Variants in CDH13 observed in about 807,000 individuals in gnomAD.
CDH13 encodes cadherin 13, also known as cadherin-13.
CDH13 carries 24 observed loss-of-function variants against 63.8 expected under a neutral mutation model. The ratio of observed to expected loss-of-function variants is 0.38; its 90% CI spans 0.27 to 0.53. CDH13 has a LOEUF of 0.53. Ranked by LOEUF, CDH13 falls within the 20% of genes least tolerant of loss-of-function variation. CDH13 has a pLI of 0.85. For missense variants in CDH13, 1,049 were observed against 903.1 expected (o/e 1.16, Z -2.07); for synonymous variants, 503 against 355.3 (o/e 1.42, Z -4.67).
At chr16:82,980,703 C>G (rs1720579974) in intron 2 of CDH13, among the ~76,000 whole-genome samples, 1 of 152,140 alleles carries the variant, frequency 6.6e-6, no homozygotes, top group Non-Finnish European at 1.5e-5. Flanking sequence ...CTACCATATA[C>G]AGAGTCAGAG....
chr16:82,931,530 T>A (rs1737625529), intron 2 of CDH13, among the ~76,000 whole-genome samples: 2 of 148,200 alleles, frequency 1.3e-5, no homozygotes, highest in African/African-American at 2.5e-5. Flanking sequence ...TTTTTTTTGA[T>A]GTTTGTTAGG....
chr16:83,199,276 A>G (rs929216800), intron 4 of CDH13, among the ~76,000 whole-genome samples: 2 of 152,236 alleles, frequency 1.3e-5, no homozygotes, highest in South Asian at 4.1e-4. Context: ...TAAAAGGTCT[A>G]GTCATCCTTT....
chr16:83,351,694 T>G (rs1424484707), intron 6 of CDH13, among the ~76,000 whole-genome samples: 2 of 152,226 alleles, frequency 1.3e-5, no homozygotes, highest in African/African-American at 4.8e-5. Context: ...AGCTCATCTC[T>G]TCCCATGTTT....
intron 1 of CDH13, among the ~76,000 whole-genome samples, chr16:82,733,372 T>TA (rs140679613): frequency 0.35 from 52,699 of 151,736 alleles, 9,676 homozygotes; most frequent in South Asian, 0.44. Context: ...TTTTGCTATG[T>TA]AAAAAAAAAT....
rs77414776 is a variant in CDH13 at position 82,689,904 on chromosome 16, G to A, written c.45+62767G>A. Among the ~76,000 whole-genome samples the A allele has an allele frequency of 9.9e-3, 1,429 of 143,902 alleles. 19 individuals carry two copies. Among genetic ancestry groups the A allele is most frequent in the African/African-American group, 0.035 (1,341 of 38,830 alleles). The allele number at this position is 143,902 out of a possible 152,430, so 94.4% of individuals were successfully genotyped here. Reference sequence around the variant, plus strand: ...TCACGCCTATAATCCCAGCACTTTTGGAGGCCAAGGTGGGCTGATCACTTG... The same window carrying A: ...TCACGCCTATAATCCCAGCACTTTTAGAGGCCAAGGTGGGCTGATCACTTG... On this transcript the variant is annotated intron_variant, in intron 1 of 13. Transcript: ENST00000567109.
chr16:82,830,801 C>T (rs949023914), intron 1 of CDH13, among the ~76,000 whole-genome samples: 5 of 152,140 alleles, frequency 3.3e-5, no homozygotes, highest in Admixed American at 6.5e-5. Flanking sequence ...TTACCATGAC[C>T]GTGAAAATAA....
At chr16:82,956,208 C>G (rs567030667) in intron 2 of CDH13, among the ~76,000 whole-genome samples, 5 of 152,126 alleles carry the variant, frequency 3.3e-5, no homozygotes, top group Non-Finnish European at 5.9e-5. Context: ...GTAGGCTTCT[C>G]TCACCTACCC....
intron 3 of CDH13, among the ~76,000 whole-genome samples, chr16:83,097,989 A>G (rs1057022887): frequency 1.3e-5 from 2 of 152,226 alleles, no homozygotes; most frequent in East Asian, 3.8e-4. Flanking sequence ...GTCAAGAAGC[A>G]TATCTGGATG....
At chr16:82,725,572 C>T (rs777327960) in intron 1 of CDH13, among the ~76,000 whole-genome samples, 1 of 152,200 alleles carries the variant, frequency 6.6e-6, no homozygotes, top group African/African-American at 2.4e-5. Context: ...AAGCCTCATT[C>T]CTGGCACATG....
intron 2 of CDH13, among the ~76,000 whole-genome samples, chr16:82,952,009 G>A (rs117980106): frequency 5.3e-5 from 8 of 152,278 alleles, no homozygotes; most frequent in South Asian, 4.1e-4. Flanking sequence ...TTGGCTATAC[G>A]CTTCACTGGA....
At chr16:82,790,006 C>T (rs2036216441) in intron 1 of CDH13, among the ~76,000 whole-genome samples, 2 of 152,148 alleles carry the variant, frequency 1.3e-5, no homozygotes, top group Non-Finnish European at 2.9e-5. Flanking sequence ...TTAGCTTCTG[C>T]TCACTATGAC....
At chr16:83,113,717 G>C (rs182429960) in intron 3 of CDH13, among the ~76,000 whole-genome samples, 1 of 152,130 alleles carries the variant, frequency 6.6e-6, no homozygotes. Context: ...AAGGATGGGT[G>C]GGGGGTTAAC....
At chr16:82,634,387 C>A (rs549551426) in intron 1 of CDH13, among the ~76,000 whole-genome samples, 1 of 152,334 alleles carries the variant, frequency 6.6e-6, no homozygotes, top group African/African-American at 2.4e-5. Flanking sequence ...TCCCTGTGGA[C>A]TGATTGCTGT....
intron 10 of CDH13, among the ~76,000 whole-genome samples, chr16:83,696,412 C>T (rs1435629696): frequency 6.6e-6 from 1 of 152,002 alleles, no homozygotes; most frequent in African/African-American, 2.4e-5. Flanking sequence ...CTTTTGAAAT[C>T]TGTAAAGGTG....
At chr16:82,767,586 C>T (rs572632658) in intron 1 of CDH13, among the ~76,000 whole-genome samples, 1 of 152,194 alleles carries the variant, frequency 6.6e-6, no homozygotes, top group Non-Finnish European at 1.5e-5. Context: ...GTCCCTGCCC[C>T]CTTTAACTTC....
At chr16:82,862,078 GAA>G (rs1460723391) in intron 2 of CDH13, among the ~76,000 whole-genome samples, 1 of 152,210 alleles carries the variant, frequency 6.6e-6, no homozygotes, top group African/African-American at 2.4e-5. Context: ...AGGAATCTGT[GAA>G]AAGTTTGTGG....
At chr16:83,057,231 C>A (rs184139170) in intron 3 of CDH13, among the ~76,000 whole-genome samples, 100 of 152,290 alleles carry the variant, frequency 6.6e-4, no homozygotes, top group African/African-American at 2.3e-3. Flanking sequence ...TCCCAAAGTA[C>A]TGGCATTACA....
intron 6 of CDH13, among the ~76,000 whole-genome samples, chr16:83,472,286 T>C (rs1259809070): frequency 6.6e-6 from 1 of 152,210 alleles, no homozygotes; most frequent in African/African-American, 2.4e-5. Flanking sequence ...CTGAGTATTG[T>C]GAGTCTGGAT....
In CDH13 at chr16:82,828,435, T is replaced by C. The variant is rs148100575; in HGVS notation, c.46-29927T>C. Among the ~76,000 whole-genome samples, 300 of 152,184 alleles carry C rather than the reference T, an allele frequency of 2.0e-3. 2 individuals carry two copies. The highest frequency in any genetic ancestry group is 6.3e-3 in the African/African-American group (261 of 41,532). On this transcript the variant is annotated intron_variant, in intron 1 of 13. Coordinates refer to ENST00000567109, the MANE Select transcript of CDH13 (RefSeq NM_001257.5). ...GAGTTCAATACTAGCCTGGCCAACA[T>C]AGTGAAACCCCAATTCACTAAAAAT...
Sources: allele counts gnomAD v4.1 joint callset (sites outside exome capture counted in the v4.1 genomes callset), GRCh38; gene constraint gnomAD v4.1.1; transcripts MANE v1.5; gene names NCBI Gene and HGNC (gene_info 2026-07-23, HGNC 2026-07-21).